B4GALNT4: variants seen among roughly 807,000 people sequenced by gnomAD.
B4GALNT4 encodes the protein beta-1,4-N-acetyl-galactosaminyltransferase 4, also known as N-acetyl-beta-glucosaminyl-glycoprotein 4-beta-N-acetylgalactosaminyltransferase 1.
A neutral mutation model predicts 110.0 loss-of-function variants in B4GALNT4; 77 were observed. The ratio of observed to expected loss-of-function variants is 0.70; its 90% CI spans 0.58 to 0.85. The LOEUF (loss-of-function observed/expected upper bound fraction) is 0.85. Among genes scored for constraint, B4GALNT4 ranks in the 40% least tolerant of loss-of-function variants. B4GALNT4 has a pLI of 0.00. For synonymous variants in B4GALNT4, 785 were observed against 655.5 expected (o/e 1.20, Z -3.02); for missense variants, 1,575 against 1,506.0 (o/e 1.05, Z -0.76).
At chr11:379,796 C>T (rs1846834086) in intron 15 of B4GALNT4, 70 bp from the exon 16 acceptor site, 4 of 1,519,672 alleles carry the variant, frequency 2.6e-6, no homozygotes, top group Non-Finnish European at 3.5e-6. Flanking sequence ...GGATGAAGTT[C>T]TTCGGAGCTG....
At chr11:375,344 C>T (rs1409872930) in intron 8 of B4GALNT4, 117 bp from the exon 9 acceptor site, 1 of 1,076,058 alleles carries the variant, frequency 9.3e-7, no homozygotes, top group East Asian at 2.4e-5. Context: ...ATCTCCTCTC[C>T]TGCATCCTTT....
chr11:380,972 C>G, intron 19 of B4GALNT4, 21 bp downstream of exon 19: 2 of 1,607,086 alleles, frequency 1.2e-6, no homozygotes, highest in Non-Finnish European at 1.7e-6. Context: ...CCCCACTCCC[C>G]AGAGGTGACA....
Position 373,737 on chromosome 11 carries a change from C to T in B4GALNT4, c.705-13C>T, listed in dbSNP as rs373913362. 1 of 1,611,894 alleles carries T rather than the reference C, an allele frequency of 6.2e-7. No homozygotes were observed. On this transcript the variant is annotated splice_polypyrimidine_tract_variant and intron_variant, in intron 7 of 19. Coordinates refer to ENST00000329962, the MANE Select transcript of B4GALNT4 (RefSeq NM_178537.5). ...CCTGTGCATGGCACGACCCTTGCTC[C>T]TCGTGTCCCCAGGCTCATGGCCTCC... is the stretch of plus-strand genomic sequence containing the variant.
At position 373,267 on chromosome 11, in the gene B4GALNT4, C is replaced by G; in HGVS notation, c.612C>G (p.Ala204=). Residue 204 remains alanine, a synonymous_variant, in exon 6 of 20, where the codon GCC becomes GCG. Coordinates refer to ENST00000329962, the MANE Select transcript of B4GALNT4 (RefSeq NM_178537.5). ...GTCTGGACGAGAGCCCTGCTGCTGC[C>G]CAGCTTGTGGCCTTTGTGGGCAAGG... ...WLSLDESPAA[A]QLVAFVGKTG... is the part of the protein sequence containing the mutation. The G allele has an allele frequency of 6.2e-7, 1 of 1,611,138 alleles. No individual in the cohort carries two copies. The highest frequency in any genetic ancestry group is 8.5e-7 in the Non-Finnish European group (1 of 1,178,762).
chr11:376,661 C>A lies in B4GALNT4; in HGVS notation c.1538C>A (p.Pro513His). 7.0e-7 allele frequency: 1 copy of A among 1,428,786 alleles called. No individual in the cohort carries two copies. The highest frequency in any genetic ancestry group is 1.3e-5 in the South Asian group (1 of 74,626). The allele number at this position is 1,428,786 out of a possible 1,614,324, so 88.5% of individuals were successfully genotyped here. ...CCGCTCTTCTTGGGCCGAGCTCCGC[C>A]CCCGCGCCCTGCAGTGGAGCAGCCG... ...PLPLFLGRAP[P>H]PRPAVEQPPP... is the part of the protein sequence containing the mutation. The change falls in exon 14 of 20, where the codon CCC (proline) becomes CAC (histidine). Residue 513 changes from proline (P) to histidine (H), a missense_variant. Physicochemically the swap from Pro to His is moderately conservative, Grantham distance 77. Coordinates refer to ENST00000329962, the MANE Select transcript of B4GALNT4 (RefSeq NM_178537.5).
Position 380,136 on chromosome 11 carries a change from G to A in B4GALNT4, c.2649G>A (p.Gln883=). Residue 883 remains glutamine (Q), a synonymous_variant, in exon 17 of 20, where the codon CAG becomes CAA. Transcript: ENST00000329962. ...ALRAARLPRY[Q]YLRRTGNFER... ...TGTGACTCGCCCTCCCCAGGTACCA[G>A]TACCTGAGACGAACCGGGAACTTCG... The A allele has an allele frequency of 6.2e-7, 1 of 1,603,558 alleles. No homozygotes were observed. Among genetic ancestry groups the A allele is most frequent in the Non-Finnish European group, 8.5e-7 (1 of 1,173,038 alleles).
At position 380,060 on chromosome 11, in the gene B4GALNT4, T is replaced by C. The variant is rs761939004; in HGVS notation, c.2642+41T>C. On this transcript the variant is annotated intron_variant, in intron 16 of 19. Transcript: ENST00000329962. ...TCCACCTGGGCGGACCCAGCGCAGC[T>C]TTCCTCCCCGGGAGATGGGTTTTCC... 4 of 1,601,824 alleles carry C rather than the reference T, an allele frequency of 2.5e-6. No individual in the cohort carries two copies. The Admixed American group carries it at 5.1e-5, about 20-fold the overall frequency.
Position 380,185 on chromosome 11 carries a change from G to A in B4GALNT4, c.2698G>A (p.Gly900Arg). 6.2e-7 allele frequency: 1 copy of A among 1,603,434 alleles called. No individual in the cohort carries two copies. The highest frequency in any genetic ancestry group is 8.5e-7 in the Non-Finnish European group (1 of 1,172,896). ...CGAGCGCTCCGCCGGGCTGCAGGCG[G>A]GAGTGGACGCGGTAGAGGTCCGAGG... Reference protein sequence around the residue: ...NFERSAGLQAGVDAVEDASSI... With the variant: ...NFERSAGLQARVDAVEDASSI... The change falls in exon 17 of 20, where the codon GGA (glycine) becomes AGA (arginine). Residue 900 changes from glycine (G) to arginine (R), a missense_variant. Transcript: ENST00000329962.
chr11:379,838 A>AGC (rs776621793), intron 15 of B4GALNT4, 28 bp from the exon 16 acceptor site: 2 of 1,563,346 alleles, frequency 1.3e-6, no homozygotes, highest in Non-Finnish European at 1.7e-6. Context: ...GCGTCGGCTC[A>AGC]GCGCCCCCCC....
At chr11:370,904 A>G (rs1268636254) in intron 1 of B4GALNT4, among the ~76,000 whole-genome samples, 1 of 152,102 alleles carries the variant, frequency 6.6e-6, no homozygotes, top group African/African-American at 2.4e-5. Context: ...ACACAGGCCA[A>G]GGGTCTGGGG....
At chr11:376,389 C>T (rs777606289) in intron 13 of B4GALNT4, 32 bp from the exon 14 acceptor site, 3 of 1,602,832 alleles carry the variant, frequency 1.9e-6, no homozygotes, top group African/African-American at 2.7e-5. Flanking sequence ...CACCCACCTG[C>T]GCAGGGAGCT....
At chr11:373,966 G>C (rs1846673009) in intron 8 of B4GALNT4, 138 bp downstream of exon 8, 1 of 819,376 alleles carries the variant, frequency 1.2e-6, no homozygotes, top group Admixed American at 2.3e-5. Context: ...AGGAGGGTCT[G>C]CTCTGCCCTC....
At chr11:370,026 C>T (rs1216358365) in intron 1 of B4GALNT4, 72 bp downstream of exon 1, 3 of 48,238 alleles carry the variant, frequency 6.2e-5, no homozygotes, top group African/African-American at 1.6e-4. Flanking sequence ...GCGGGCGGCG[C>T]GGGGGGCGCG....
chr11:374,255 G>A (rs1846678967), intron 8 of B4GALNT4, among the ~76,000 whole-genome samples: 6 of 152,038 alleles, frequency 3.9e-5, no homozygotes. Context: ...TGCATTCCAG[G>A]AAAAAACCCC....
intron 14 of B4GALNT4, 102 bp downstream of exon 14, chr11:377,429 C>T: frequency 7.8e-7 from 1 of 1,278,214 alleles, no homozygotes; most frequent in Non-Finnish European, 1.0e-6. Flanking sequence ...TTCCCCAGGG[C>T]CCAGTGGTGT....
chr11:373,987 C>T (rs564615587), intron 8 of B4GALNT4, among the ~76,000 whole-genome samples, 159 bp downstream of exon 8: 73 of 152,156 alleles, frequency 4.8e-4, no homozygotes, highest in Non-Finnish European at 9.6e-4. Context: ...CTGGGGGGCT[C>T]GGTGAGGCTT....
At chr11:373,937 G>C (rs752293656) in intron 8 of B4GALNT4, 109 bp downstream of exon 8, 101 of 1,116,000 alleles carry the variant, frequency 9.1e-5, no homozygotes, top group Non-Finnish European at 1.2e-4. Flanking sequence ...CAGATGGTCA[G>C]GGCCATGGGC....
chr11:381,207 G>T, intron 19 of B4GALNT4: 3 of 939,778 alleles, frequency 3.2e-6, no homozygotes, highest in Non-Finnish European at 3.8e-6. Flanking sequence ...ATAGGCCCTG[G>T]GTGGCCCTGA....
intron 14 of B4GALNT4, among the ~76,000 whole-genome samples, chr11:379,148 G>A (rs1846819253): frequency 6.6e-6 from 1 of 152,238 alleles, no homozygotes; most frequent in Non-Finnish European, 1.5e-5. Flanking sequence ...AACGTCACCT[G>A]GGACGTGAGT....
Sources: allele counts gnomAD v4.1 joint callset (sites outside exome capture counted in the v4.1 genomes callset), GRCh38; gene constraint gnomAD v4.1.1; transcripts MANE v1.5; gene names NCBI Gene and HGNC (gene_info 2026-07-23, HGNC 2026-07-21).